The following DAB1 variants were observed in gnomAD, a reference collection of about 807,000 sequenced individuals.
DAB1 encodes the protein DAB adaptor protein 1.
DAB1 carries 15 observed loss-of-function variants against 64.6 expected under a neutral mutation model. That is an observed-to-expected ratio of 0.23 (90% CI 0.16 to 0.36). The LOEUF (loss-of-function observed/expected upper bound fraction) is 0.36, where lower values mean the gene tolerates loss of function less well. DAB1 is among the 10% of genes least tolerant of loss of function. The pLI is 1.00. For missense variants in DAB1, 596 were observed against 706.7 expected, an observed-to-expected ratio of 0.84 and a Z score of 1.78; for synonymous variants, 235 against 251.9, an observed-to-expected ratio of 0.93 and a Z score of 0.64.
intron 6 of DAB1, among the ~76,000 whole-genome samples, chr1:57,693,364 G>A (rs1646786721): frequency 6.6e-6 from 1 of 152,128 alleles, no homozygotes. Flanking sequence ...TATTGTAAAT[G>A]CACCAATCAG....
intron 1 of DAB1, among the ~76,000 whole-genome samples, chr1:57,846,244 G>A (rs1336725511): frequency 3.3e-5 from 5 of 152,052 alleles, no homozygotes; most frequent in Admixed American, 2.6e-4. Flanking sequence ...CAGATCACGA[G>A]GTCAGGAGAT....
chr1:57,703,495 G>A (rs1317850985), intron 6 of DAB1, among the ~76,000 whole-genome samples: 2 of 151,940 alleles, frequency 1.3e-5, no homozygotes, highest in Non-Finnish European at 2.9e-5. Context: ...ATACCATGTC[G>A]CACCAGTCAG....
chr1:57,544,307 G>A (rs1332013620), intron 7 of DAB1, among the ~76,000 whole-genome samples: 2 of 152,150 alleles, frequency 1.3e-5, no homozygotes, highest in African/African-American at 4.8e-5. Flanking sequence ...AACTGTAGGT[G>A]CTTTGCTAGT....
At chr1:57,514,110 A>G (rs1229462720) in intron 7 of DAB1, among the ~76,000 whole-genome samples, 1 of 152,042 alleles carries the variant, frequency 6.6e-6, no homozygotes, top group Admixed American at 6.6e-5. Context: ...TGTTAATTCC[A>G]TCTTTTGGCT....
At chr1:57,905,944 A>T (rs1644544567) in intron 5 of DAB1, among the ~76,000 whole-genome samples, 2 of 152,236 alleles carry the variant, frequency 1.3e-5, no homozygotes, top group South Asian at 4.1e-4. Context: ...AGCTTGTAAT[A>T]GAGTTTGTCA....
At chr1:57,825,119 G>T (rs1490220981), downstream of DAB1, among the ~76,000 whole-genome samples, 8 of 152,198 alleles carry the variant, frequency 5.3e-5, no homozygotes, top group Non-Finnish European at 1.0e-4. Context: ...TTTCATTGAA[G>T]ATCTTTACAA....
intron 13 of DAB1, 148 bp from the exon 14 acceptor site, chr1:57,010,938 A>C: frequency 1.2e-6 from 1 of 865,064 alleles, no homozygotes. Context: ...ACAAATGTGG[A>C]CTTGTAGTAA....
At chr1:57,605,415 G>A (rs1417768459) in intron 7 of DAB1, among the ~76,000 whole-genome samples, 1 of 152,182 alleles carries the variant, frequency 6.6e-6, no homozygotes, top group Non-Finnish European at 1.5e-5. Context: ...CCCAGAAACT[G>A]TCAAGGGTCT....
chr1:57,071,714 G>A (rs776426553), intron 5 of DAB1, 73 bp from the exon 6 acceptor site: 10 of 1,433,790 alleles, frequency 7.0e-6, no homozygotes, highest in Middle Eastern at 1.8e-4. Context: ...TTGTTTTTGC[G>A]GCGACAACCC....
intron 6 of DAB1, among the ~76,000 whole-genome samples, chr1:57,775,141 T>C (rs1444573976): frequency 1.3e-5 from 2 of 151,570 alleles, no homozygotes; most frequent in African/African-American, 4.8e-5. Flanking sequence ...TTGGAATTTA[T>C]GTCTTTTCCT....
At chr1:57,232,439 A>G (rs1276834291) in intron 2 of DAB1, among the ~76,000 whole-genome samples, 8 of 151,980 alleles carry the variant, frequency 5.3e-5, no homozygotes, top group Non-Finnish European at 1.2e-4. Context: ...TGCAACTACT[A>G]CCTGAAGGAT....
chr1:57,014,531 G>A (rs1451116013), intron 12 of DAB1, among the ~76,000 whole-genome samples: 1 of 152,174 alleles, frequency 6.6e-6, no homozygotes, highest in African/African-American at 2.4e-5. Flanking sequence ...AAAATCTTAA[G>A]AGGCAGAGTA....
intron 2 of DAB1, among the ~76,000 whole-genome samples, chr1:57,287,108 A>G (rs547103114): frequency 4.1e-4 from 62 of 152,338 alleles, no homozygotes; most frequent in African/African-American, 1.1e-3. Flanking sequence ...GTCTGGCTCT[A>G]TTGCACAGGC....
At chr1:58,537,818 A>T (rs1395894242) in intron 1 of DAB1, among the ~76,000 whole-genome samples, 1 of 152,250 alleles carries the variant, frequency 6.6e-6, no homozygotes, top group Non-Finnish European at 1.5e-5. Flanking sequence ...ACATGACATT[A>T]TCCTTTATTT....
chr1:57,982,139 G>A (rs565003357), intron 5 of DAB1, among the ~76,000 whole-genome samples: 1 of 152,258 alleles, frequency 6.6e-6, no homozygotes, highest in East Asian at 1.9e-4. Flanking sequence ...CCTTTCCTCA[G>A]GTGAAGTGGT....
chr1:57,472,125 T>C (rs72911204), intron 7 of DAB1, among the ~76,000 whole-genome samples: 14,011 of 152,302 alleles, frequency 0.092, 1,148 homozygotes, highest in African/African-American at 0.21. Context: ...CTAGTGAGTA[T>C]GTGGCAGAGC....
chr1:57,082,521 T>C (rs1292450378), intron 4 of DAB1, among the ~76,000 whole-genome samples: 1 of 152,204 alleles, frequency 6.6e-6, no homozygotes, highest in Non-Finnish European at 1.5e-5. Flanking sequence ...ATGTTATTTG[T>C]ATATTTTTAA....
chr1:57,150,973 T>C (rs1321551034), intron 2 of DAB1, among the ~76,000 whole-genome samples: 3 of 152,040 alleles, frequency 2.0e-5, no homozygotes, highest in African/African-American at 7.2e-5. Context: ...CTGGGCAGCA[T>C]AAGAAAACCC....
intron 1 of DAB1, among the ~76,000 whole-genome samples, chr1:57,417,532 C>T (rs1484967370): frequency 6.6e-6 from 1 of 152,140 alleles, no homozygotes; most frequent in Non-Finnish European, 1.5e-5. Flanking sequence ...GGTTCTATGG[C>T]AAATGAATTT....
Sources: allele counts gnomAD v4.1 joint callset (sites outside exome capture counted in the v4.1 genomes callset), GRCh38; gene constraint gnomAD v4.1.1; transcripts MANE v1.5; gene names NCBI Gene and HGNC (gene_info 2026-07-23, HGNC 2026-07-21).